SLC22A12: variants seen among roughly 807,000 people sequenced by gnomAD.
The protein encoded by SLC22A12 is solute carrier family 22 member 12.
A neutral mutation model predicts 52.7 loss-of-function variants in SLC22A12; 56 were observed. That is an observed-to-expected ratio of 1.06 (90% CI 0.86 to 1.33). The LOEUF (loss-of-function observed/expected upper bound fraction) is 1.33. SLC22A12 is among the 40% of genes most tolerant of loss of function. SLC22A12 has a pLI of 0.00. For missense variants in SLC22A12, 683 were observed against 741.5 expected (o/e 0.92, Z 0.92); for synonymous variants, 337 against 324.6 (o/e 1.04, Z -0.41).
Position 64,591,332 on chromosome 11 carries a change from C to T in SLC22A12, c.-225C>T, listed in dbSNP as rs562498588. The stretch of plus-strand genomic sequence containing the variant: ...GAGATGCTGGAGGTCTCGGAATCAC[C>T]TCACGCGGCCTCAGGGCCCAGTTGG... On this transcript the variant is annotated 5_prime_UTR_variant, in exon 1 of 10. Coordinates refer to ENST00000377574, the MANE Select transcript of SLC22A12 (RefSeq NM_144585.4). 6 of 603,054 alleles carry T rather than the reference C, an allele frequency of 9.9e-6. No homozygotes were observed. The highest frequency in any genetic ancestry group is 6.2e-5 in the South Asian group (3 of 48,204). 37.4% of individuals were successfully genotyped at this position (603,054 alleles called of 1,614,324 possible).
Position 64,591,436 on chromosome 11 carries a change from T to G in SLC22A12, c.-121T>G. ...CCCCGAGTCTGTGAAGCCTAGCCGC[T>G]GGGCTGGAGAAGCCACTGTGGGCAC... On this transcript the variant is annotated 5_prime_UTR_variant, in exon 1 of 10. Transcript: ENST00000377574. 1 of 1,344,384 alleles carries G rather than the reference T, an allele frequency of 7.4e-7. No individual in the cohort carries two copies. The allele number at this position is 1,344,384 out of a possible 1,614,324, so 83.3% of individuals were successfully genotyped here. A position where few individuals can be genotyped will look rare whatever the true frequency, so the allele number is the denominator to read the frequency against.
chr11:64,595,330 G>GA (rs2039118010), intron 4 of SLC22A12, among the ~76,000 whole-genome samples: 1 of 124,580 alleles, frequency 8.0e-6, no homozygotes, highest in African/African-American at 3.1e-5. Context: ...TGGATGGATG[G>GA]ATGGTTGAAT....
chr11:64,595,840 G>GTTGA lies in SLC22A12; in HGVS notation c.830+2037_830+2038insTTGA, dbSNP rs201315987. On this transcript the variant is annotated intron_variant, in intron 4 of 9. Transcript: ENST00000377574. ...GGATGGATGGACGGTTGAATGGATG[G>GTTGA]ATGGATGGATGGATGGATAGTTGAA... Among the ~76,000 whole-genome samples the GTTGA allele has an allele frequency of 3.8e-3, 260 of 69,286 alleles. 1 individual carries two copies. Among genetic ancestry groups the GTTGA allele is most frequent in the African/African-American group, 8.4e-3 (177 of 21,086 alleles). The allele number at this position is 69,286 out of a possible 152,430, so 45.5% of individuals were successfully genotyped here.
At position 64,592,631 on chromosome 11, in the gene SLC22A12, C is replaced by T. The variant is rs551552547; in HGVS notation, c.403-148C>T. The T allele has an allele frequency of 1.2e-4, 87 of 741,198 alleles. 1 individual carries two copies. The Middle Eastern group carries it at 4.9e-3, about 42-fold the overall frequency. The allele number at this position is 741,198 out of a possible 1,614,324, so 45.9% of individuals were successfully genotyped here. On this transcript the variant is annotated intron_variant, in intron 1 of 9. Coordinates refer to ENST00000377574, the MANE Select transcript of SLC22A12 (RefSeq NM_144585.4). ...CAAACTATGCCTGTGGGTGCCCTCACTGTTCCACAGGGTCTTGCTCTAAAA... is the reference window on the plus strand; with the variant it reads ...CAAACTATGCCTGTGGGTGCCCTCATTGTTCCACAGGGTCTTGCTCTAAAA...
chr11:64,595,447 A>T (rs1046099894), intron 4 of SLC22A12, among the ~76,000 whole-genome samples: 2 of 130,144 alleles, frequency 1.5e-5, no homozygotes, highest in Admixed American at 1.6e-4. Flanking sequence ...TGGATGATGG[A>T]TGGATGGAAT....
intron 4 of SLC22A12, among the ~76,000 whole-genome samples, chr11:64,595,966 GGA>G (rs2039186752): frequency 8.7e-6 from 1 of 114,506 alleles, no homozygotes; most frequent in Non-Finnish European, 1.8e-5. Context: ...ATGGATGGAT[GGA>G]ATGGATGGAT....
intron 4 of SLC22A12, among the ~76,000 whole-genome samples, chr11:64,594,155 G>A (rs1303314674): frequency 6.6e-6 from 1 of 152,240 alleles, no homozygotes; most frequent in African/African-American, 2.4e-5. Context: ...CCTCCTCTGT[G>A]TGTGCCAGGC....
In SLC22A12 at chr11:64,600,431, C is replaced by G; in HGVS notation, c.1350C>G (p.Thr450=). The part of the protein sequence containing the change: ...LGLGGVGAAF[T]CITIYSSELF... Reference sequence around the variant, plus strand: ...TGGGCGGGGTGGGGGCTGCCTTCACCTGCATCACCATCTACAGCAGCGAGC... The same window carrying G: ...TGGGCGGGGTGGGGGCTGCCTTCACGTGCATCACCATCTACAGCAGCGAGC... Residue 450 remains threonine (T), a synonymous_variant, in exon 8 of 10, where the codon ACC becomes ACG. Coordinates refer to ENST00000377574, the MANE Select transcript of SLC22A12 (RefSeq NM_144585.4). 1 of 1,608,340 alleles carries G rather than the reference C, an allele frequency of 6.2e-7. No homozygotes were observed. Among genetic ancestry groups the G allele is most frequent in the Non-Finnish European group, 8.5e-7 (1 of 1,179,364 alleles).
At chr11:64,597,355 C>A (rs189711818) in intron 4 of SLC22A12, among the ~76,000 whole-genome samples, 1 of 152,150 alleles carries the variant, frequency 6.6e-6, no homozygotes, top group African/African-American at 2.4e-5. Flanking sequence ...CTGCCTCCCC[C>A]ACTGACCTCC....
Position 64,591,840 on chromosome 11 carries a change from A to G in SLC22A12, c.284A>G (p.Gln95Arg), listed in dbSNP as rs751649157. The G allele has an allele frequency of 2.5e-6, 4 of 1,612,546 alleles. No individual in the cohort carries two copies. In the South Asian group the frequency reaches 3.3e-5, roughly 13 times the overall value. ...CAGTGCCGCCGCTTCCGCCAGCCAC[A>G]GTGGCAGCTCTTGGACCCCAATGCC... ...PHQCRRFRQPQWQLLDPNATA... is the reference protein window; with the variant it reads ...PHQCRRFRQPRWQLLDPNATA... The change falls in exon 1 of 10, where the codon CAG (glutamine) becomes CGG (arginine). Residue 95 changes from glutamine (Q) to arginine (R), a missense_variant. Coordinates refer to ENST00000377574, the MANE Select transcript of SLC22A12 (RefSeq NM_144585.4).
At chr11:64,599,535 A>T (rs992730496) in intron 6 of SLC22A12, 141 bp from the exon 7 acceptor site, 35 of 666,700 alleles carry the variant, frequency 5.2e-5, no homozygotes, top group Middle Eastern at 4.0e-4. Context: ...CGCCCCACAG[A>T]GCTGGCAGCT....
Position 64,593,651 on chromosome 11 carries a change from G to A in SLC22A12, c.678G>A (p.Ala226=), listed in dbSNP as rs749274808. Reference sequence around the variant, plus strand: ...TCCTTGCAGTGATGGAGTGGACGGCGGCACGGGCCCGACCCTTGGTGATGA... The same window carrying A: ...TCCTTGCAGTGATGGAGTGGACGGCAGCACGGGCCCGACCCTTGGTGATGA... ...NTGTLLMEWT[A]ARARPLVMTL... is the part of the protein sequence containing the mutation. The change falls in exon 4 of 10, where the codon GCG becomes GCA. Residue 226 remains alanine, a synonymous_variant. Coordinates refer to ENST00000377574, the MANE Select transcript of SLC22A12 (RefSeq NM_144585.4). The A allele has an allele frequency of 2.3e-5, 37 of 1,614,036 alleles. No individual in the cohort carries two copies. Among genetic ancestry groups the A allele is most frequent in the East Asian group, 4.5e-5 (2 of 44,898 alleles).
rs148845071 is a variant in SLC22A12, at chr11:64,601,819, G to A, written c.*268G>A. 459 of 458,896 alleles carry A rather than the reference G, an allele frequency of 1.0e-3. 5 individuals carry two copies. The East Asian group carries it at 0.019, about 19-fold the overall frequency. The allele number at this position is 458,896 out of a possible 1,614,324, so 28.4% of individuals were successfully genotyped here. A position where few individuals can be genotyped will look rare whatever the true frequency, so the allele number is the denominator to read the frequency against. On this transcript the variant is annotated 3_prime_UTR_variant, in exon 10 of 10. Coordinates refer to ENST00000377574, the MANE Select transcript of SLC22A12 (RefSeq NM_144585.4). ...CACCCTGCCCTGCCCTCGTGGCTTC[G>A]GAGAGCAGAGGGGTCAGGCCCAGGG...
At chr11:64,594,732 G>A (rs1350006400) in intron 4 of SLC22A12, among the ~76,000 whole-genome samples, 2 of 144,758 alleles carry the variant, frequency 1.4e-5, no homozygotes, top group Admixed American at 1.4e-4. Flanking sequence ...TGGACGGACA[G>A]ACGGACGGAC....
At chr11:64,594,708 G>GATGT (rs1176033091) in intron 4 of SLC22A12, among the ~76,000 whole-genome samples, 1 of 149,312 alleles carries the variant, frequency 6.7e-6, no homozygotes, top group African/African-American at 2.4e-5. Context: ...TGGATGGATG[G>GATGT]ATGGATGGAT....
chr11:64,595,326 G>GA (rs2039117530), intron 4 of SLC22A12, among the ~76,000 whole-genome samples: 2 of 127,244 alleles, frequency 1.6e-5, no homozygotes, highest in Non-Finnish European at 3.4e-5. Context: ...TGGATGGATG[G>GA]ATGGATGGTT....
chr11:64,599,085 C>T (rs1056957646), intron 6 of SLC22A12, among the ~76,000 whole-genome samples, 162 bp downstream of exon 6: 5 of 152,190 alleles, frequency 3.3e-5, no homozygotes, highest in African/African-American at 1.2e-4. Context: ...CAACCCAGGC[C>T]GGGTGGGCTC....
chr11:64,599,976 G>A (rs2039398969), intron 7 of SLC22A12, 86 bp downstream of exon 7: 2 of 1,471,614 alleles, frequency 1.4e-6, no homozygotes, highest in Non-Finnish European at 1.9e-6. Context: ...GGAGGTGCTG[G>A]ACTAGAGCAG....
At position 64,591,349 on chromosome 11, in the gene SLC22A12, C is replaced by T; in HGVS notation, c.-208C>T. The stretch of plus-strand genomic sequence containing the variant: ...GGAATCACCTCACGCGGCCTCAGGG[C>T]CCAGTTGGAGCCACCCCAAGTGACA... On this transcript the variant is annotated 5_prime_UTR_variant, in exon 1 of 10. Coordinates refer to ENST00000377574, the MANE Select transcript of SLC22A12 (RefSeq NM_144585.4). 1.5e-6 allele frequency: 1 copy of T among 647,828 alleles called. No homozygotes were observed. The highest frequency in any genetic ancestry group is 2.0e-5 in the South Asian group (1 of 50,224). 40.1% of individuals were successfully genotyped at this position (647,828 alleles called of 1,614,324 possible). A position where few individuals can be genotyped will look rare whatever the true frequency, so the allele number is the denominator to read the frequency against.
Sources: allele counts gnomAD v4.1 joint callset (sites outside exome capture counted in the v4.1 genomes callset), GRCh38; gene constraint gnomAD v4.1.1; transcripts MANE v1.5; gene names NCBI Gene and HGNC (gene_info 2026-07-23, HGNC 2026-07-21).